TBC1D22A: variants seen among roughly 807,000 people sequenced by gnomAD.
The protein encoded by TBC1D22A is TBC1 domain family member 22A, also known as putative GTPase activator.
TBC1D22A carries 38 observed loss-of-function variants against 60.2 expected under a neutral mutation model. The observed-to-expected ratio is 0.63, with a 90% CI of 0.49 to 0.83. The LOEUF (loss-of-function observed/expected upper bound fraction) is 0.83, where lower values mean the gene tolerates loss of function less well. Ranked by LOEUF, TBC1D22A falls within the 40% of genes least tolerant of loss-of-function variation. The probability of loss-of-function intolerance (pLI) is 0.00; values close to 1 mark genes in which losing one functional copy is unlikely to be tolerated. For synonymous variants in TBC1D22A, 302 were observed against 281.7 expected (o/e 1.07, Z -0.72); for missense variants, 628 against 701.0 (o/e 0.90, Z 1.18).
chr22:46,983,980 G>C (rs1282211360), intron 9 of TBC1D22A, among the ~76,000 whole-genome samples: 2 of 152,062 alleles, frequency 1.3e-5, no homozygotes, highest in African/African-American at 4.8e-5. Flanking sequence ...AACTGGCTTT[G>C]AGTGTGTGCT....
At chr22:47,027,368 G>C (rs1413167454) in intron 10 of TBC1D22A, among the ~76,000 whole-genome samples, 1 of 152,070 alleles carries the variant, frequency 6.6e-6, no homozygotes, top group Non-Finnish European at 1.5e-5. Context: ...TGGGGAACAG[G>C]TGGTATTTGG....
At chr22:46,869,344 A>G (rs2067203048) in intron 4 of TBC1D22A, among the ~76,000 whole-genome samples, 1 of 152,194 alleles carries the variant, frequency 6.6e-6, no homozygotes, top group South Asian at 2.1e-4. Context: ...CCTGGTGAAC[A>G]GTGATTTCAC....
At chr22:46,823,474 G>A (rs528608893) in intron 4 of TBC1D22A, among the ~76,000 whole-genome samples, 1 of 152,288 alleles carries the variant, frequency 6.6e-6, no homozygotes, top group Admixed American at 6.5e-5. Flanking sequence ...GGCCCATTCA[G>A]GGAGGCCCAG....
intron 10 of TBC1D22A, among the ~76,000 whole-genome samples, chr22:47,029,448 A>G (rs954558310): frequency 6.6e-6 from 1 of 152,220 alleles, no homozygotes; most frequent in African/African-American, 2.4e-5. Flanking sequence ...CATAGGCCAG[A>G]TGACTGAACG....
rs565492687 is a variant in TBC1D22A at position 46,806,002 on chromosome 22, A to G, written c.637+8382A>G. ...TGAGTAGCTGGGATTACAGGCACCCACCACCACACCCGGCTAAGTTTTGTA... is the reference window on the plus strand; with the variant it reads ...TGAGTAGCTGGGATTACAGGCACCCGCCACCACACCCGGCTAAGTTTTGTA... On this transcript the variant is annotated intron_variant, in intron 4 of 12. Coordinates refer to ENST00000337137, the MANE Select transcript of TBC1D22A (RefSeq NM_014346.5). Among the ~76,000 whole-genome samples, 13 of 109,676 alleles carry G rather than the reference A, an allele frequency of 1.2e-4. 1 individual carries two copies. In the South Asian group the frequency reaches 2.7e-3, roughly 23 times the overall value. The allele number at this position is 109,676 out of a possible 152,430, so 72.0% of individuals were successfully genotyped here.
chr22:46,923,234 C>A (rs1394394076), intron 8 of TBC1D22A, among the ~76,000 whole-genome samples: 1 of 152,232 alleles, frequency 6.6e-6, no homozygotes, highest in African/African-American at 2.4e-5. Flanking sequence ...AGCCTATCTC[C>A]TCACTGTGCA....
intron 4 of TBC1D22A, among the ~76,000 whole-genome samples, chr22:46,852,823 G>A (rs992342197): frequency 2.6e-5 from 4 of 152,126 alleles, no homozygotes; most frequent in African/African-American, 7.2e-5. Context: ...GGAGAGCTGC[G>A]CTTTGCTCAT....
chr22:46,763,275 G>A (rs2083166620), intron 1 of TBC1D22A: 2 of 174,950 alleles, frequency 1.1e-5, no homozygotes, highest in African/African-American at 4.7e-5. Flanking sequence ...ATTTGCCTGT[G>A]GTCTCTTGAG....
intron 10 of TBC1D22A, among the ~76,000 whole-genome samples, chr22:47,024,941 C>T (rs1236253924): frequency 6.6e-6 from 1 of 152,182 alleles, no homozygotes; most frequent in Non-Finnish European, 1.5e-5. Context: ...TTCATGCTAA[C>T]ACCAATCTAA....
intron 9 of TBC1D22A, among the ~76,000 whole-genome samples, chr22:46,975,437 C>T (rs2074257680): frequency 6.6e-6 from 1 of 152,072 alleles, no homozygotes; most frequent in Non-Finnish European, 1.5e-5. Flanking sequence ...TAATCGTTTT[C>T]TGAGGGACCA....
intron 11 of TBC1D22A, among the ~76,000 whole-genome samples, chr22:47,081,427 G>A (rs541421483): frequency 3.3e-5 from 5 of 152,290 alleles, no homozygotes; most frequent in Admixed American, 3.3e-4. Flanking sequence ...CCCCTAAGGT[G>A]AGAACCAGGC....
At chr22:47,031,588 G>T (rs1316680283) in intron 10 of TBC1D22A, among the ~76,000 whole-genome samples, 1 of 152,214 alleles carries the variant, frequency 6.6e-6, no homozygotes, top group Admixed American at 6.5e-5. Flanking sequence ...GGTGCCCAGA[G>T]ATGCAAGGGT....
rs570444638 is a variant in TBC1D22A at position 46,997,423 on chromosome 22, G to A, written c.1126-211G>A. ...ATGCACGTGCTTATCACCTGACATC[G>A]GGAAATACTGGCCTTTCCCTTCTCA... On this transcript the variant is annotated intron_variant, in intron 9 of 12. Coordinates refer to ENST00000337137, the MANE Select transcript of TBC1D22A (RefSeq NM_014346.5). 4.6e-5 allele frequency among the ~76,000 whole-genome samples: 7 copies of A among 152,300 alleles called. No individual in the cohort carries two copies. In the South Asian group the frequency reaches 1.0e-3, roughly 23 times the overall value.
intron 1 of TBC1D22A, among the ~76,000 whole-genome samples, chr22:46,791,531 G>T (rs1186008492): frequency 2.3e-4 from 32 of 140,624 alleles, no homozygotes; most frequent in African/African-American, 6.1e-4. Context: ...AGCTAAGCCT[G>T]TTTTTTTTTT....
chr22:46,791,622 G>T (rs2084412857), intron 1 of TBC1D22A, among the ~76,000 whole-genome samples: 1 of 152,054 alleles, frequency 6.6e-6, no homozygotes, highest in African/African-American at 2.4e-5. Flanking sequence ...GCCAGCCGTG[G>T]CTGACGTCAG....
intron 8 of TBC1D22A, among the ~76,000 whole-genome samples, chr22:46,934,863 C>T: frequency 6.6e-6 from 1 of 152,298 alleles, no homozygotes; most frequent in Middle Eastern, 3.4e-3. Context: ...CCTCCCTGGG[C>T]TCAGGGGCCA....
At chr22:46,828,695 G>T (rs1167784475) in intron 4 of TBC1D22A, among the ~76,000 whole-genome samples, 1 of 152,116 alleles carries the variant, frequency 6.6e-6, no homozygotes, top group Non-Finnish European at 1.5e-5. Flanking sequence ...GGGACAGGAG[G>T]CCACACCTCT....
chr22:47,128,984 C>A (rs143432099), intron 12 of TBC1D22A, among the ~76,000 whole-genome samples: 1 of 152,262 alleles, frequency 6.6e-6, no homozygotes, highest in Non-Finnish European at 1.5e-5. Flanking sequence ...CCATGGGTAG[C>A]CGGGTGCATG....
intron 4 of TBC1D22A, among the ~76,000 whole-genome samples, chr22:46,809,386 C>T (rs967455206): frequency 6.6e-6 from 1 of 152,214 alleles, no homozygotes; most frequent in African/African-American, 2.4e-5. Flanking sequence ...ACTTCAGTTA[C>T]CTCGTTATAG....
Sources: allele counts gnomAD v4.1 joint callset (sites outside exome capture counted in the v4.1 genomes callset), GRCh38; gene constraint gnomAD v4.1.1; transcripts MANE v1.5; gene names NCBI Gene and HGNC (gene_info 2026-07-23, HGNC 2026-07-21).